The following SLC6A15 variants were observed in gnomAD, a reference collection of about 807,000 sequenced individuals.
SLC6A15 encodes solute carrier family 6 member 15.
A neutral mutation model predicts 68.5 loss-of-function variants in SLC6A15; 33 were observed. The observed-to-expected ratio is 0.48, with a 90% confidence interval of 0.37 to 0.64. SLC6A15 has a LOEUF of 0.64. Ranked by LOEUF, SLC6A15 falls within the 30% of genes least tolerant of loss-of-function variation. The pLI, the probability that SLC6A15 is intolerant of heterozygous loss-of-function variation, is 0.00. For missense variants in SLC6A15, 747 were observed against 874.3 expected, an observed-to-expected ratio of 0.85 and a Z score of 1.84; for synonymous variants, 347 against 301.0, an observed-to-expected ratio of 1.15 and a Z score of -1.58.
intron 1 of SLC6A15, among the ~76,000 whole-genome samples, chr12:84,898,317 G>C (rs1434718651): frequency 6.6e-6 from 1 of 152,180 alleles, no homozygotes; most frequent in Non-Finnish European, 1.5e-5. Context: ...TCCAGCCTGG[G>C]TGACAGAGTG....
intron 9 of SLC6A15, among the ~76,000 whole-genome samples, chr12:84,868,042 A>G (rs149867672): frequency 7.6e-4 from 115 of 152,308 alleles, no homozygotes; most frequent in African/African-American, 2.7e-3. Flanking sequence ...AGAGGTGAGT[A>G]AACTTGAAAG....
At chr12:84,890,389 G>A (rs1057060979) in intron 2 of SLC6A15, among the ~76,000 whole-genome samples, 3 of 152,082 alleles carry the variant, frequency 2.0e-5, no homozygotes, top group South Asian at 2.1e-4. Context: ...TGGTCAATAC[G>A]ACTTACAAGG....
intron 1 of SLC6A15, among the ~76,000 whole-genome samples, chr12:84,911,638 C>T (rs949409234): frequency 6.6e-6 from 1 of 152,170 alleles, no homozygotes; most frequent in African/African-American, 2.4e-5. Flanking sequence ...CCGAACGCCT[C>T]GGGCGTCTTG....
At position 84,886,032 on chromosome 12, in the gene SLC6A15, A is replaced by G; in HGVS notation, c.326T>C (p.Val109Ala). The change falls in exon 3 of 12, where the codon GTA (valine) becomes GCA (alanine). Residue 109 changes from valine to alanine, a missense_variant. Transcript: ENST00000266682. ...YLLPYLILLM[V>A]IGIPLFFLEL... ...CAAGAAAAAAAGGGGAATACCTATT[A>G]CCATAAGTAGTATTAAATATGGTAA... 1.2e-6 allele frequency: 2 copies of G among 1,608,334 alleles called. No homozygotes were observed. The highest frequency in any genetic ancestry group is 1.7e-6 in the Non-Finnish European group (2 of 1,175,686).
intron 4 of SLC6A15, 28 bp downstream of exon 4, chr12:84,885,407 C>T (rs368680323): frequency 5.8e-6 from 9 of 1,562,194 alleles, no homozygotes; most frequent in Non-Finnish European, 6.0e-6. Flanking sequence ...TGCTTAAATA[C>T]CAAAACACTG....
intron 6 of SLC6A15, among the ~76,000 whole-genome samples, chr12:84,874,048 G>A (rs1871407270): frequency 6.6e-6 from 1 of 152,178 alleles, no homozygotes; most frequent in South Asian, 2.1e-4. Context: ...TCAGCCAAGT[G>A]TGGCCCAGAT....
At position 84,859,672 on chromosome 12, in the gene SLC6A15, T is replaced by C. The variant is rs2120511179; in HGVS notation, c.*1960A>G. 6.6e-6 allele frequency: 1 copy of C among 152,102 alleles called. No homozygotes were observed. The highest frequency in any genetic ancestry group is 2.4e-5 in the African/African-American group (1 of 41,530). The allele number at this position is 152,102 out of a possible 1,614,324, so 9.4% of individuals were successfully genotyped here. A position where few individuals can be genotyped will look rare whatever the true frequency, so the allele number is the denominator to read the frequency against. The stretch of plus-strand genomic sequence containing the variant: ...TACGGTTAAAGTCTGGCAGGTTAAG[T>C]ATTAAAGATTAGGGTACCATATAAA... On this transcript the variant is annotated 3_prime_UTR_variant, in exon 12 of 12. Coordinates refer to ENST00000266682, the MANE Select transcript of SLC6A15 (RefSeq NM_182767.6).
chr12:84,888,711 T>C (rs759249068), intron 2 of SLC6A15, among the ~76,000 whole-genome samples: 4 of 152,174 alleles, frequency 2.6e-5, no homozygotes, highest in Non-Finnish European at 4.4e-5. Flanking sequence ...AATTCACCAC[T>C]ATATAATTCA....
chr12:84,861,776 G>T lies in SLC6A15; in HGVS notation c.2049C>A (p.Ser683Arg), dbSNP rs151316112. Residue 683 changes from serine to arginine, a missense_variant, in exon 12 of 12, where the codon AGC (serine) becomes AGA (arginine). Ser to Arg is a moderately radical substitution (Grantham distance 110). Coordinates refer to ENST00000266682, the MANE Select transcript of SLC6A15 (RefSeq NM_182767.6). ...DTSLIHGKIP[S>R]EMPSPNFGKN... ...TACCAAAATTTGGAGATGGCATCTC[G>T]CTCGGTATTTTTCCGTGAATGAGGC... The T allele has an allele frequency of 2.2e-5, 35 of 1,613,884 alleles. No homozygotes were observed. Among genetic ancestry groups the T allele is most frequent in the Non-Finnish European group, 2.8e-5 (33 of 1,179,934 alleles).
Position 84,902,766 on chromosome 12 carries a change from T to C in SLC6A15, c.-189+9757A>G, listed in dbSNP as rs534830597. ...TGCCAATTTCAAAGAAATACATATA[T>C]AACAATTTTTATATAACATTTGTGA... On this transcript the variant is annotated intron_variant, in intron 1 of 11. Transcript: ENST00000266682. Among the ~76,000 whole-genome samples, 7 of 152,184 alleles carry C rather than the reference T, an allele frequency of 4.6e-5. No homozygotes were observed. In the South Asian group the frequency reaches 1.5e-3, roughly 32 times the overall value.
intron 5 of SLC6A15, among the ~76,000 whole-genome samples, chr12:84,878,403 T>G (rs1015284458): frequency 1.3e-5 from 2 of 152,150 alleles, no homozygotes; most frequent in African/African-American, 4.8e-5. Flanking sequence ...TCACTTGAAT[T>G]AAAGTAATCC....
At chr12:84,896,493 A>G (rs1872644991) in intron 1 of SLC6A15, among the ~76,000 whole-genome samples, 1 of 152,252 alleles carries the variant, frequency 6.6e-6, no homozygotes, top group Non-Finnish European at 1.5e-5. Context: ...AATGTTTACT[A>G]ACTCTTCACT....
At position 84,861,745 on chromosome 12, in the gene SLC6A15, T is replaced by C. The variant is rs762144413; in HGVS notation, c.2080A>G (p.Ile694Val). The change falls in exon 12 of 12, where the codon ATT (isoleucine) becomes GTT (valine). Residue 694 changes from isoleucine (I) to valine (V), a missense_variant. Transcript: ENST00000266682. ...GGGGATCCACTCTGTTTTCGATAAA[T>C]ATTTTTACCAAAATTTGGAGATGGC... ...EMPSPNFGKNIYRKQSGSPTL... is the reference protein window; with the variant it reads ...EMPSPNFGKNVYRKQSGSPTL... The C allele has an allele frequency of 6.2e-7, 1 of 1,613,990 alleles. No individual in the cohort carries two copies. The highest frequency in any genetic ancestry group is 8.5e-7 in the Non-Finnish European group (1 of 1,179,918).
At chr12:84,887,231 G>T (rs1383388856) in intron 2 of SLC6A15, among the ~76,000 whole-genome samples, 1 of 152,042 alleles carries the variant, frequency 6.6e-6, no homozygotes, top group Non-Finnish European at 1.5e-5. Flanking sequence ...TCTATAAAGA[G>T]CCTTTTATTA....
chr12:84,885,995 C>A lies in SLC6A15; in HGVS notation c.363G>T (p.Val121=). The change falls in exon 3 of 12, where the codon GTG becomes GTT. Residue 121 remains valine (V), a synonymous_variant. Coordinates refer to ENST00000266682, the MANE Select transcript of SLC6A15 (RefSeq NM_182767.6). ...TGCTGCCTCGCCGAATTCTTTGACC[C>A]ACAGAGAGTTCCAAGAAAAAAAGGG... ...GIPLFFLELS[V]GQRIRRGSIG... The A allele has an allele frequency of 6.2e-7, 1 of 1,612,540 alleles. No individual in the cohort carries two copies. Among genetic ancestry groups the A allele is most frequent in the Non-Finnish European group, 8.5e-7 (1 of 1,179,076 alleles).
At chr12:84,899,998 T>C (rs1432454446) in intron 1 of SLC6A15, among the ~76,000 whole-genome samples, 2 of 152,076 alleles carry the variant, frequency 1.3e-5, no homozygotes, top group African/African-American at 4.8e-5. Flanking sequence ...GAAATCAGCT[T>C]GACAATTTCT....
intron 5 of SLC6A15, among the ~76,000 whole-genome samples, chr12:84,877,182 T>C (rs567523101): frequency 6.6e-6 from 1 of 152,326 alleles, no homozygotes; most frequent in Admixed American, 6.5e-5. Flanking sequence ...AGACATTCAC[T>C]GCCTCCTTGA....
chr12:84,892,011 C>G lies in SLC6A15; in HGVS notation c.110G>C (p.Ser37Thr). The change falls in exon 2 of 12, where the codon AGT becomes ACT. Residue 37 changes from serine to threonine, a missense_variant. By Grantham distance (58) the Ser-to-Thr change is moderately conservative. Transcript: ENST00000266682. ...TTCCTGGCCATCAACAATTAGTTCA[C>G]TTGTCTTAAAAGCATCATCAGCTGC... The part of the protein sequence containing the change: ...EDAADDAFKT[S>T]ELIVDGQEEK... 1 of 1,614,004 alleles carries G rather than the reference C, an allele frequency of 6.2e-7. No homozygotes were observed. Among genetic ancestry groups the G allele is most frequent in the Non-Finnish European group, 8.5e-7 (1 of 1,179,982 alleles).
intron 10 of SLC6A15, among the ~76,000 whole-genome samples, chr12:84,864,550 C>T (rs1456665590): frequency 1.3e-5 from 2 of 152,014 alleles, no homozygotes; most frequent in Admixed American, 6.6e-5. Context: ...GATCTCCTGA[C>T]CTCAAGTGAT....
Sources: allele counts gnomAD v4.1 joint callset (sites outside exome capture counted in the v4.1 genomes callset), GRCh38; gene constraint gnomAD v4.1.1; transcripts MANE v1.5; gene names NCBI Gene and HGNC (gene_info 2026-07-23, HGNC 2026-07-21).